Variants in ARSG observed in about 807,000 individuals in gnomAD.
The protein encoded by ARSG is arylsulfatase G.
Under a neutral mutation model 50.5 loss-of-function variants are expected in ARSG, and 37 were observed. That is an observed-to-expected ratio of 0.73 (90% confidence interval 0.56 to 0.96). The LOEUF (loss-of-function observed/expected upper bound fraction) is 0.96. ARSG is among the 50% of genes least tolerant of loss of function. The probability of loss-of-function intolerance (pLI) is 0.00; values close to 1 mark genes in which losing one functional copy is unlikely to be tolerated. For missense variants in ARSG, 629 were observed against 675.3 expected (o/e 0.93, Z 0.76); for synonymous variants, 225 against 254.6 (o/e 0.88, Z 1.11).
Position 68,384,956 on chromosome 17 carries a change from G to C in ARSG, c.983-108G>C, listed in dbSNP as rs567218975. 6.2e-6 allele frequency: 5 copies of C among 802,642 alleles called. No homozygotes were observed. In the East Asian group the frequency reaches 1.2e-4, roughly 20 times the overall value. The allele number at this position is 802,642 out of a possible 1,614,324, so 49.7% of individuals were successfully genotyped here. ...TACCAAAAAAGTCATTCCTTTGTTGGGGTTATTGGAAACTCAGAGAGGGGT... is the reference window on the plus strand; with the variant it reads ...TACCAAAAAAGTCATTCCTTTGTTGCGGTTATTGGAAACTCAGAGAGGGGT... On this transcript the variant is annotated intron_variant, in intron 8 of 11. Coordinates refer to ENST00000621439, the MANE Select transcript of ARSG (RefSeq NM_001267727.2).
At chr17:68,375,796 CT>C (rs969521024) in intron 8 of ARSG, among the ~76,000 whole-genome samples, 2 of 152,118 alleles carry the variant, frequency 1.3e-5, no homozygotes, top group African/African-American at 4.8e-5. Flanking sequence ...CTCCCTAGAG[CT>C]GCCCCTGTGT....
At chr17:68,388,338 C>A (rs1299057732) in intron 9 of ARSG, among the ~76,000 whole-genome samples, 2 of 152,182 alleles carry the variant, frequency 1.3e-5, no homozygotes, top group Non-Finnish European at 2.9e-5. Flanking sequence ...AGCAGCAGCT[C>A]TGGCTTCTAC....
intron 2 of ARSG, among the ~76,000 whole-genome samples, chr17:68,313,441 C>A (rs762464442): frequency 6.6e-6 from 1 of 152,066 alleles, no homozygotes; most frequent in Non-Finnish European, 1.5e-5. Context: ...CTCCTATCTC[C>A]GCCTCAGTTG....
intron 1 of ARSG, chr17:68,278,045 G>A (rs1015277636): frequency 1.5e-6 from 2 of 1,348,972 alleles, no homozygotes; most frequent in African/African-American, 2.9e-5. Flanking sequence ...CAAATTAAAA[G>A]GGCCCTATAC....
At chr17:68,288,200 C>T (rs959178621), upstream of ARSG, among the ~76,000 whole-genome samples, 1 of 151,914 alleles carries the variant, frequency 6.6e-6, no homozygotes, top group Admixed American at 6.6e-5. Context: ...CAGGGTTTCA[C>T]CATGTTGGTC....
At chr17:68,436,683 A>C in the ARSG span, among the ~76,000 whole-genome samples, 1 of 152,208 alleles carries the variant, frequency 6.6e-6, no homozygotes, top group Non-Finnish European at 1.5e-5. Flanking sequence ...CTCCTGATTT[A>C]ACACTGGCTG....
At chr17:68,366,197 C>T (rs1251033797) in intron 6 of ARSG, among the ~76,000 whole-genome samples, 1 of 151,858 alleles carries the variant, frequency 6.6e-6, no homozygotes, top group Non-Finnish European at 1.5e-5. Context: ...CCTCGGCCTC[C>T]CAAAGTGCTG....
At chr17:68,432,011 A>G in the ARSG span, among the ~76,000 whole-genome samples, 1 of 152,188 alleles carries the variant, frequency 6.6e-6, no homozygotes, top group African/African-American at 2.4e-5. Context: ...TTAAGGCTCC[A>G]AAAAAGATCA....
intron 2 of ARSG, among the ~76,000 whole-genome samples, chr17:68,318,757 T>C (rs1555769553): frequency 6.6e-6 from 1 of 152,230 alleles, no homozygotes; most frequent in African/African-American, 2.4e-5. Flanking sequence ...AAGTCAATGC[T>C]GCTGCTGCTA....
chr17:68,444,453 A>C, the ARSG span: 1 of 1,552,630 alleles, frequency 6.4e-7, no homozygotes, highest in Non-Finnish European at 8.9e-7. Flanking sequence ...GCACCAGGAC[A>C]TGAAATTTCA....
intron 6 of ARSG, among the ~76,000 whole-genome samples, chr17:68,363,613 A>G (rs1057376159): frequency 8.6e-5 from 13 of 151,924 alleles, no homozygotes; most frequent in Non-Finnish European, 1.5e-4. Flanking sequence ...GATTACAGGC[A>G]TGCACCACCA....
intron 9 of ARSG, among the ~76,000 whole-genome samples, chr17:68,394,167 A>G (rs1006220681): frequency 2.6e-5 from 4 of 152,176 alleles, no homozygotes; most frequent in Non-Finnish European, 5.9e-5. Context: ...TTTCCTATCC[A>G]TGAAATTGTA....
chr17:68,421,154 A>G (rs2082743276), downstream of ARSG: 1 of 155,070 alleles, frequency 6.4e-6, no homozygotes, highest in Non-Finnish European at 1.4e-5. Context: ...GTCCATGGAT[A>G]AGTCTGTGGC....
At chr17:68,295,083 T>G (rs1298919281) in intron 1 of ARSG, among the ~76,000 whole-genome samples, 1 of 151,888 alleles carries the variant, frequency 6.6e-6, no homozygotes, top group Non-Finnish European at 1.5e-5. Flanking sequence ...TCCCTAACTC[T>G]TGGCTGCGAC....
intron 1 of ARSG, among the ~76,000 whole-genome samples, chr17:68,283,411 C>G (rs1281046986): frequency 6.6e-6 from 1 of 152,022 alleles, no homozygotes; most frequent in African/African-American, 2.4e-5. Context: ...GTCCCAGCTA[C>G]TCCGGAGGCT....
chr17:68,261,916 G>C (rs1249099128), intron 1 of ARSG, among the ~76,000 whole-genome samples: 8 of 152,092 alleles, frequency 5.3e-5, no homozygotes, highest in African/African-American at 1.7e-4. Flanking sequence ...ACTTTGGGAG[G>C]CTGAAGCAGG....
At chr17:68,283,751 G>A (rs956849452) in intron 1 of ARSG, among the ~76,000 whole-genome samples, 2 of 151,798 alleles carry the variant, frequency 1.3e-5, no homozygotes, top group African/African-American at 4.8e-5. Context: ...GGTGGCGCAC[G>A]CCTGTAATCC....
chr17:68,264,252 G>A (rs1355971300), intron 1 of ARSG, among the ~76,000 whole-genome samples: 6 of 152,148 alleles, frequency 3.9e-5, no homozygotes, highest in South Asian at 2.1e-4. Flanking sequence ...TTGAATCTGC[G>A]CCACAAGAAT....
At chr17:68,428,518 C>T in the ARSG span, 1 of 237,668 alleles carries the variant, frequency 4.2e-6, no homozygotes, top group Non-Finnish European at 8.4e-6. Context: ...CAGGTGTGAG[C>T]CGCCACACCT....
Sources: allele counts gnomAD v4.1 joint callset (sites outside exome capture counted in the v4.1 genomes callset), GRCh38; gene constraint gnomAD v4.1.1; transcripts MANE v1.5; gene names NCBI Gene and HGNC (gene_info 2026-07-23, HGNC 2026-07-21).